Variants in HTR2C observed in about 807,000 individuals in gnomAD.
HTR2C encodes the protein 5-hydroxytryptamine (serotonin) receptor 2C, G protein-coupled.
A neutral mutation model predicts 21.0 loss-of-function variants in HTR2C; 5 were observed. The ratio of observed to expected loss-of-function variants is 0.24; its 90% CI spans 0.12 to 0.50. HTR2C has a LOEUF of 0.50. HTR2C is among the 20% of genes least tolerant of loss of function. HTR2C has a pLI of 0.98. For synonymous variants in HTR2C, 150 were observed against 145.3 expected, an observed-to-expected ratio of 1.03 and a Z score of -0.23; for missense variants, 271 against 371.2, an observed-to-expected ratio of 0.73 and a Z score of 2.22.
intron 1 of HTR2C, among the ~76,000 whole-genome samples, chrX:114,590,975 G>A (rs1602620810): frequency 8.9e-6 from 1 of 112,079 alleles, no homozygotes; most frequent in East Asian, 2.8e-4. Flanking sequence ...TGCCTTTGCA[G>A]CAAATAAACT....
intron 5 of HTR2C, among the ~76,000 whole-genome samples, chrX:114,876,422 C>CTTTTTTTTTTTTTTT (rs60498146): frequency 4.0e-4 from 25 of 62,372 alleles, no homozygotes; most frequent in East Asian, 1.2e-3. Context: ...CTTTTTCTTT[C>CTTTTTTTTTTTTTTT]TTTTTTTTTT....
chrX:114,721,545 T>G lies in HTR2C; in HGVS notation c.-79-5313T>G, dbSNP rs868952875. 1.6e-3 allele frequency among the ~76,000 whole-genome samples: 162 copies of G among 100,810 alleles called. 2 individuals carry two copies. The highest frequency in any genetic ancestry group is 0.015 in the South Asian group (29 of 1,957). 87.5% of individuals were successfully genotyped at this position (100,810 alleles called of 115,157 possible). A position where few individuals can be genotyped will look rare whatever the true frequency, so the allele number is the denominator to read the frequency against. On this transcript the variant is annotated intron_variant, in intron 2 of 5. Coordinates refer to ENST00000276198, the MANE Select transcript of HTR2C (RefSeq NM_000868.4). The stretch of plus-strand genomic sequence containing the variant: ...AATTAGATCCCATTTGTCAATTTTG[T>G]CTTTTGTTGCCATTGCTTTTGGTGT...
At position 114,675,868 on chromosome X, in the gene HTR2C, C is replaced by CTTTT. The variant is rs1556412476; in HGVS notation, c.-79-50987_-79-50984dup. Reference sequence around the variant, plus strand: ...TTTTAAGACTTTTCGTTTCTTTTTTCTTTTTTCTTTTTTTTTTTGAGACGA... The same window carrying CTTTT: ...TTTTAAGACTTTTCGTTTCTTTTTTCTTTTTTTTTTCTTTTTTTTTTTGAGACGA... On this transcript the variant is annotated intron_variant, in intron 2 of 5. Coordinates refer to ENST00000276198, the MANE Select transcript of HTR2C (RefSeq NM_000868.4). 4.2e-5 allele frequency among the ~76,000 whole-genome samples: 4 copies of CTTTT among 94,305 alleles called. 1 individual carries two copies. The highest frequency in any genetic ancestry group is 3.8e-5 in the African/African-American group (1 of 26,395). The allele number at this position is 94,305 out of a possible 115,157, so 81.9% of individuals were successfully genotyped here.
At chrX:114,703,224 C>G (rs1159219267) in intron 2 of HTR2C, among the ~76,000 whole-genome samples, 1 of 105,633 alleles carries the variant, frequency 9.5e-6, no homozygotes, top group Non-Finnish European at 2.0e-5. Context: ...TAGACATCTA[C>G]AGAACTCTCC....
At chrX:114,599,252 G>A (rs782752479) in intron 1 of HTR2C, among the ~76,000 whole-genome samples, 48 of 111,617 alleles carry the variant, frequency 4.3e-4, no homozygotes, top group African/African-American at 1.4e-3. Flanking sequence ...TATAATATCC[G>A]TATGTTTCAC....
chrX:114,726,974 A>G lies in HTR2C; in HGVS notation c.35+3A>G. 9.3e-7 allele frequency: 1 copy of G among 1,076,623 alleles called. No individual in the cohort carries two copies. The highest frequency in any genetic ancestry group is 1.2e-6 in the Non-Finnish European group (1 of 805,936). 88.7% of individuals were successfully genotyped at this position (1,076,623 alleles called of 1,213,427 possible). On this transcript the variant is annotated splice_donor_region_variant and intron_variant, in intron 3 of 5. Coordinates refer to ENST00000276198, the MANE Select transcript of HTR2C (RefSeq NM_000868.4). Reference sequence around the variant, plus strand: ...AGGAATGCGGTGCATTCATTCCTGTAAGGATGTTACTACTTATTATTTTAG... The same window carrying G: ...AGGAATGCGGTGCATTCATTCCTGTGAGGATGTTACTACTTATTATTTTAG...
At chrX:114,813,428 T>C (rs2070553935) in intron 4 of HTR2C, among the ~76,000 whole-genome samples, 1 of 111,866 alleles carries the variant, frequency 8.9e-6, no homozygotes, top group African/African-American at 3.2e-5. Context: ...AGAAAGCTGT[T>C]TGTGATGTCA....
intron 4 of HTR2C, among the ~76,000 whole-genome samples, chrX:114,782,637 G>A (rs1486357180): frequency 2.7e-5 from 3 of 109,801 alleles, no homozygotes; most frequent in Non-Finnish European, 5.7e-5. Flanking sequence ...AGGATTGCTT[G>A]ACCCCACAAG....
chrX:114,701,009 G>C (rs782774763), intron 2 of HTR2C, among the ~76,000 whole-genome samples: 3 of 112,283 alleles, frequency 2.7e-5, no homozygotes, highest in Non-Finnish European at 5.6e-5. Context: ...GCTGGGGGAG[G>C]GGCGACCGCC....
rs181476340 is a variant in HTR2C at position 114,655,991 on chromosome X, A to G, written c.-80+42110A>G. 4.0e-4 allele frequency among the ~76,000 whole-genome samples: 44 copies of G among 111,243 alleles called. No individual in the cohort carries two copies. The Admixed American group carries it at 4.0e-3, about 10-fold the overall frequency. On this transcript the variant is annotated intron_variant, in intron 2 of 5. Transcript: ENST00000276198. ...GTCAGTTTGTACAAGAAAATTAATT[A>G]TCTTATTGTTTCATCCACTGGATTG...
At chrX:114,626,234 A>G (rs1262317009) in intron 2 of HTR2C, among the ~76,000 whole-genome samples, 1 of 108,018 alleles carries the variant, frequency 9.3e-6, no homozygotes. Context: ...AAAAAATAAT[A>G]AAAAATTAGC....
chrX:114,758,548 G>A (rs913619620), intron 4 of HTR2C, among the ~76,000 whole-genome samples: 3 of 111,479 alleles, frequency 2.7e-5, no homozygotes, highest in African/African-American at 9.8e-5. Flanking sequence ...GCAACAGAAT[G>A]AGAACCTGTC....
At chrX:114,766,898 G>A (rs949279497) in intron 4 of HTR2C, among the ~76,000 whole-genome samples, 22 of 107,528 alleles carry the variant, frequency 2.0e-4, no homozygotes, top group Non-Finnish European at 4.2e-4. Flanking sequence ...AGTCCCCAAA[G>A]TAAACTTAAT....
intron 2 of HTR2C, among the ~76,000 whole-genome samples, chrX:114,660,551 T>C (rs1159438304): frequency 1.8e-5 from 2 of 112,695 alleles, no homozygotes; most frequent in South Asian, 3.6e-4. Context: ...ATTATTTCCA[T>C]TGAGTTGTAT....
intron 4 of HTR2C, chrX:114,775,449 A>G: frequency 3.9e-6 from 2 of 515,011 alleles, no homozygotes; most frequent in South Asian, 4.7e-5. Context: ...ATAAACCTGA[A>G]TCAGCACACC....
chrX:114,759,265 A>C (rs1197412652), intron 4 of HTR2C, among the ~76,000 whole-genome samples: 3 of 110,971 alleles, frequency 2.7e-5, no homozygotes, highest in Non-Finnish European at 5.7e-5. Context: ...CTTCCATCTC[A>C]ACCATCCTCC....
intron 2 of HTR2C, among the ~76,000 whole-genome samples, chrX:114,713,139 G>A (rs1932916898): frequency 9.0e-6 from 1 of 111,513 alleles, no homozygotes; most frequent in Middle Eastern, 4.6e-3. Context: ...CAACAGTACA[G>A]TGATCCTCCA....
chrX:114,836,701 T>C (rs1202859098), intron 4 of HTR2C, among the ~76,000 whole-genome samples: 9 of 112,425 alleles, frequency 8.0e-5, no homozygotes, highest in African/African-American at 2.9e-4. Context: ...AGACCAGAGC[T>C]GTTCCTATTC....
intron 2 of HTR2C, among the ~76,000 whole-genome samples, chrX:114,707,035 T>A (rs1373741514): frequency 7.2e-5 from 8 of 111,672 alleles, no homozygotes; most frequent in Admixed American, 9.6e-5. Flanking sequence ...AAACAAAAAA[T>A]TTCAATTACT....
Sources: allele counts gnomAD v4.1 joint callset (sites outside exome capture counted in the v4.1 genomes callset), GRCh38; gene constraint gnomAD v4.1.1; transcripts MANE v1.5; gene names NCBI Gene and HGNC (gene_info 2026-07-23, HGNC 2026-07-21).